The following PPP2R2B variants were observed in gnomAD, a reference collection of about 807,000 sequenced individuals.
PPP2R2B encodes the protein protein phosphatase 2 regulatory subunit Bbeta.
PPP2R2B carries 5 observed loss-of-function variants against 46.0 expected under a neutral mutation model. The ratio of observed to expected loss-of-function variants is 0.11; its 90% CI spans 0.06 to 0.23. The LOEUF is 0.23. Ranked by LOEUF, PPP2R2B falls within the 10% of genes least tolerant of loss-of-function variation. The pLI, the probability that PPP2R2B is intolerant of heterozygous loss-of-function variation, is 1.00. For missense variants in PPP2R2B, 367 were observed against 575.0 expected, an observed-to-expected ratio of 0.64 and a Z score of 3.70; for synonymous variants, 215 against 206.7, an observed-to-expected ratio of 1.04 and a Z score of -0.34.
intron 2 of PPP2R2B, among the ~76,000 whole-genome samples, chr5:146,754,553 CCACTT>C (rs1361530078): frequency 6.6e-6 from 1 of 152,208 alleles, no homozygotes; most frequent in East Asian, 1.9e-4. Flanking sequence ...TAATTCGCCT[CCACTT>C]GAGTTTGGGC....
chr5:146,766,303 G>A (rs1754472312), intron 2 of PPP2R2B, among the ~76,000 whole-genome samples: 1 of 151,900 alleles, frequency 6.6e-6, no homozygotes, highest in Admixed American at 6.6e-5. Context: ...AAAGATGTCT[G>A]GGAAAAAAAA....
intron 2 of PPP2R2B, among the ~76,000 whole-genome samples, chr5:146,764,819 G>GAGAGAA (rs907685720): frequency 8.9e-6 from 1 of 111,912 alleles, no homozygotes; most frequent in African/African-American, 2.9e-5. Flanking sequence ...GAGAGAGAGA[G>GAGAGAA]AGAGAGAGAT....
intron 2 of PPP2R2B, among the ~76,000 whole-genome samples, chr5:146,727,655 C>T (rs997274379): frequency 6.6e-6 from 1 of 151,764 alleles, no homozygotes; most frequent in African/African-American, 2.4e-5. Context: ...TGCACTTGTA[C>T]CCGTAAGTCA....
intron 1 of PPP2R2B, among the ~76,000 whole-genome samples, chr5:146,975,475 A>C (rs775961309): frequency 3.1e-4 from 47 of 152,174 alleles, no homozygotes; most frequent in Admixed American, 4.6e-4. Context: ...ATGGGTATGC[A>C]AATATGTCTT....
chr5:147,040,650 C>G, intron 1 of PPP2R2B: 1 of 397,802 alleles, frequency 2.5e-6, no homozygotes, highest in South Asian at 1.8e-5. Flanking sequence ...TGTGAGCAAA[C>G]ATGTAACATA....
intron 8 of PPP2R2B, among the ~76,000 whole-genome samples, chr5:146,595,653 G>A (rs1771100485): frequency 6.6e-6 from 1 of 152,148 alleles, no homozygotes; most frequent in African/African-American, 2.4e-5. Flanking sequence ...TACTATGAAG[G>A]TATGCTGTAT....
intron 2 of PPP2R2B, among the ~76,000 whole-genome samples, chr5:146,842,149 G>A (rs761472485): frequency 3.9e-5 from 6 of 152,068 alleles, no homozygotes; most frequent in Non-Finnish European, 8.8e-5. Flanking sequence ...CAGCTAAGTT[G>A]TGTACATTTG....
At chr5:146,844,329 T>G (rs1259757414) in intron 2 of PPP2R2B, among the ~76,000 whole-genome samples, 1 of 148,540 alleles carries the variant, frequency 6.7e-6, no homozygotes, top group African/African-American at 2.5e-5. Flanking sequence ...AATGTGCACA[T>G]GTACCCTAAA....
At chr5:146,753,453 C>T (rs1049895653) in intron 2 of PPP2R2B, among the ~76,000 whole-genome samples, 3 of 152,156 alleles carry the variant, frequency 2.0e-5, no homozygotes, top group African/African-American at 7.2e-5. Context: ...CATTTTGAAT[C>T]TGACCAAACA....
rs542347480 is a variant in PPP2R2B, at chr5:146,767,003, G to A, written c.71-65861C>T. 3.7e-4 allele frequency among the ~76,000 whole-genome samples: 46 copies of A among 124,640 alleles called. 1 individual carries two copies. In the East Asian group the frequency reaches 7.5e-3, roughly 20 times the overall value. The allele number at this position is 124,640 out of a possible 152,430, so 81.8% of individuals were successfully genotyped here. A position where few individuals can be genotyped will look rare whatever the true frequency, so the allele number is the denominator to read the frequency against. On this transcript the variant is annotated intron_variant, in intron 2 of 9. Coordinates refer to ENST00000394411, the MANE Select transcript of PPP2R2B (RefSeq NM_181675.4). ...TGGGAGGCAGAGGTTGCAGTGAGCCGAGACCACACCATTGCACTCCAGCCT... is the reference window on the plus strand; with the variant it reads ...TGGGAGGCAGAGGTTGCAGTGAGCCAAGACCACACCATTGCACTCCAGCCT...
At chr5:147,029,203 T>A (rs934863165) in intron 1 of PPP2R2B, among the ~76,000 whole-genome samples, 6 of 152,218 alleles carry the variant, frequency 3.9e-5, no homozygotes, top group Admixed American at 2.0e-4. Flanking sequence ...ACCTTTTATG[T>A]CATTTTAAAC....
chr5:146,844,580 C>T lies in PPP2R2B; in HGVS notation c.70+33422G>A, dbSNP rs144578236. Reference sequence around the variant, plus strand: ...CAGAAACCACAGATAGGGCAGAAGACCTGCATGCCCGGATCCATTCTGTGC... The same window carrying T: ...CAGAAACCACAGATAGGGCAGAAGATCTGCATGCCCGGATCCATTCTGTGC... On this transcript the variant is annotated intron_variant, in intron 2 of 9. Transcript: ENST00000394411. Among the ~76,000 whole-genome samples, 381 of 152,226 alleles carry T rather than the reference C, an allele frequency of 2.5e-3. 5 individuals carry two copies. The East Asian group carries it at 0.038, about 15-fold the overall frequency.
At chr5:146,666,875 G>A (rs1277994362) in intron 5 of PPP2R2B, among the ~76,000 whole-genome samples, 4 of 152,206 alleles carry the variant, frequency 2.6e-5, no homozygotes, top group South Asian at 2.1e-4. Context: ...AAAATTCCCA[G>A]GTCTTTTTTC....
intron 2 of PPP2R2B, among the ~76,000 whole-genome samples, chr5:146,753,012 C>T (rs1753644395): frequency 6.6e-6 from 1 of 152,172 alleles, no homozygotes. Context: ...GATGCTGTGG[C>T]TATGACTTCA....
chr5:146,909,869 C>T (rs957487881), intron 1 of PPP2R2B, among the ~76,000 whole-genome samples: 10 of 152,224 alleles, frequency 6.6e-5, no homozygotes, highest in African/African-American at 2.4e-4. Context: ...TTCTACCATC[C>T]CACAAAAAAG....
At chr5:146,738,768 A>G (rs59362529) in intron 2 of PPP2R2B, among the ~76,000 whole-genome samples, 3,133 of 152,318 alleles carry the variant, frequency 0.021, 106 homozygotes, top group African/African-American at 0.069. Context: ...ATATAGGTAG[A>G]GTTCTTTATT....
At chr5:146,846,917 C>A (rs567997429) in intron 2 of PPP2R2B, among the ~76,000 whole-genome samples, 2 of 152,252 alleles carry the variant, frequency 1.3e-5, no homozygotes, top group South Asian at 4.1e-4. Context: ...AAGCCACTGC[C>A]TTAAATTCTT....
intron 4 of PPP2R2B, among the ~76,000 whole-genome samples, chr5:146,692,472 G>A (rs1023981843): frequency 1.3e-5 from 2 of 151,706 alleles, no homozygotes; most frequent in East Asian, 1.9e-4. Context: ...AGTAAAAAGG[G>A]CTAAAGGATC....
At chr5:146,925,406 T>C (rs570797858) in intron 1 of PPP2R2B, among the ~76,000 whole-genome samples, 2 of 152,330 alleles carry the variant, frequency 1.3e-5, no homozygotes, top group African/African-American at 4.8e-5. Flanking sequence ...ATAGTTTTGT[T>C]AGATACAGAA....
Sources: gnomAD v4.1 joint callset for allele counts (sites outside exome capture counted in the v4.1 genomes callset) on GRCh38, gnomAD v4.1.1 for gene constraint, MANE v1.5 for transcripts, NCBI Gene and HGNC (gene_info 2026-07-23, HGNC 2026-07-21) for gene names.